Variants in EYS observed in about 807,000 individuals in gnomAD.
EYS encodes protein eyes shut homolog.
A neutral mutation model predicts 282.1 loss-of-function variants in EYS; 250 were observed. The observed-to-expected ratio is 0.89, with a 90% confidence interval of 0.80 to 0.98. The LOEUF is 0.98. Ranked by LOEUF, EYS falls within the 50% of genes least tolerant of loss-of-function variation. The probability of loss-of-function intolerance (pLI) is 0.00; values close to 1 mark genes in which losing one functional copy is unlikely to be tolerated. For missense variants in EYS, 4,016 were observed against 3,709.0 expected, an observed-to-expected ratio of 1.08 and a Z score of -2.15; for synonymous variants, 1,355 against 1,282.9, an observed-to-expected ratio of 1.06 and a Z score of -1.20.
At chr6:64,681,906 A>G (rs1041229913) in intron 22 of EYS, among the ~76,000 whole-genome samples, 1 of 152,154 alleles carries the variant, frequency 6.6e-6, no homozygotes, top group African/African-American at 2.4e-5. Flanking sequence ...TTGGGAATAC[A>G]TGTTTTTGCA....
At chr6:64,082,368 TA>T (rs749304795) in intron 31 of EYS, among the ~76,000 whole-genome samples, 1 of 152,164 alleles carries the variant, frequency 6.6e-6, no homozygotes, top group Non-Finnish European at 1.5e-5. Context: ...TATTGTTTGT[TA>T]ATTTTTAATT....
intron 5 of EYS, among the ~76,000 whole-genome samples, chr6:65,440,571 C>T (rs948336115): frequency 2.0e-5 from 3 of 151,476 alleles, no homozygotes; most frequent in African/African-American, 4.8e-5. Context: ...ATATCTTTTA[C>T]TTTACTGCTC....
intron 33 of EYS, among the ~76,000 whole-genome samples, chr6:64,046,460 A>G (rs1770628508): frequency 6.6e-6 from 1 of 152,136 alleles, no homozygotes; most frequent in Non-Finnish European, 1.5e-5. Flanking sequence ...CTGGGAGGAC[A>G]CATGCTGGCT....
chr6:65,665,800 A>C (rs780977756), intron 1 of EYS, among the ~76,000 whole-genome samples: 1 of 152,044 alleles, frequency 6.6e-6, no homozygotes, highest in South Asian at 2.1e-4. Flanking sequence ...TAACCATGAT[A>C]AATAAATCTC....
At chr6:65,478,500 G>C (rs766733363) in intron 5 of EYS, among the ~76,000 whole-genome samples, 45 of 152,040 alleles carry the variant, frequency 3.0e-4, no homozygotes, top group Non-Finnish European at 4.7e-4. Flanking sequence ...TTAGTCTTAA[G>C]AAAAACACAT....
intron 12 of EYS, among the ~76,000 whole-genome samples, chr6:65,235,628 G>C (rs1418237381): frequency 3.9e-5 from 6 of 152,128 alleles, no homozygotes; most frequent in Non-Finnish European, 8.8e-5. Context: ...CTCTGAACAA[G>C]TCGCTAATCT....
chr6:65,616,140 G>A (rs1026655787), intron 2 of EYS, among the ~76,000 whole-genome samples: 1 of 151,892 alleles, frequency 6.6e-6, no homozygotes, highest in Non-Finnish European at 1.5e-5. Context: ...ATAATGGAAG[G>A]CTGATATCCA....
At chr6:64,902,247 C>T (rs1039104210) in intron 17 of EYS, 27 bp from the exon 18 acceptor site, 7 of 1,463,058 alleles carry the variant, frequency 4.8e-6, no homozygotes, top group Non-Finnish European at 6.5e-6. Flanking sequence ...TTAGTAACTC[C>T]ATTAGTATAT....
At chr6:64,386,973 G>C (rs997487690) in intron 29 of EYS, among the ~76,000 whole-genome samples, 3 of 152,164 alleles carry the variant, frequency 2.0e-5, no homozygotes, top group Admixed American at 2.0e-4. Flanking sequence ...AGTATGTAAT[G>C]TATAGTATAT....
intron 12 of EYS, among the ~76,000 whole-genome samples, chr6:65,292,583 A>G (rs1419825962): frequency 6.6e-6 from 1 of 151,744 alleles, no homozygotes; most frequent in Non-Finnish European, 1.5e-5. Context: ...CTTTGTATAT[A>G]AAGTACCCCC....
At chr6:64,991,050 G>C (rs537934815) in intron 14 of EYS, among the ~76,000 whole-genome samples, 1 of 151,342 alleles carries the variant, frequency 6.6e-6, no homozygotes, top group East Asian at 1.9e-4. Context: ...TAATTATACA[G>C]GTCATCAGAT....
intron 26 of EYS, among the ~76,000 whole-genome samples, chr6:64,547,545 GGTGT>G (rs1764919124): frequency 6.6e-6 from 1 of 152,192 alleles, no homozygotes; most frequent in Non-Finnish European, 1.5e-5. Flanking sequence ...GTTGCTGATT[GGTGT>G]GTTTACAAAC....
chr6:64,078,268 TCAAA>T (rs1025863611), intron 32 of EYS, among the ~76,000 whole-genome samples: 4 of 152,084 alleles, frequency 2.6e-5, no homozygotes, highest in African/African-American at 4.8e-5. Flanking sequence ...TCAAAGCAAC[TCAAA>T]CAAAATCAAC....
chr6:64,244,574 T>C (rs759275772), intron 30 of EYS, among the ~76,000 whole-genome samples: 2 of 152,166 alleles, frequency 1.3e-5, no homozygotes, highest in African/African-American at 4.8e-5. Context: ...TCTGCAAATA[T>C]AGCCCTCTCA....
At chr6:65,194,465 T>A (rs1227247489) in intron 12 of EYS, among the ~76,000 whole-genome samples, 1 of 152,022 alleles carries the variant, frequency 6.6e-6, no homozygotes, top group Non-Finnish European at 1.5e-5. Context: ...TAAAATGTGA[T>A]ATAATAAATT....
intron 8 of EYS, among the ~76,000 whole-genome samples, chr6:65,366,478 T>C (rs1764917113): frequency 6.6e-6 from 1 of 151,792 alleles, no homozygotes; most frequent in South Asian, 2.1e-4. Context: ...AAATCTTGAT[T>C]GACTTCTTTT....
At chr6:64,397,516 C>T (rs1047236915) in intron 28 of EYS, among the ~76,000 whole-genome samples, 1 of 150,992 alleles carries the variant, frequency 6.6e-6, no homozygotes, top group Non-Finnish European at 1.5e-5. Context: ...TGTTTTGTCA[C>T]ATTGTATTTT....
At chr6:64,694,266 C>T (rs1322365948) in intron 22 of EYS, among the ~76,000 whole-genome samples, 1 of 152,042 alleles carries the variant, frequency 6.6e-6, no homozygotes, top group African/African-American at 2.4e-5. Flanking sequence ...CATGAAGGAA[C>T]ATGGGGTCAC....
At chr6:65,185,612 T>C (rs1412597209) in intron 12 of EYS, among the ~76,000 whole-genome samples, 1 of 151,854 alleles carries the variant, frequency 6.6e-6, no homozygotes, top group African/African-American at 2.4e-5. Context: ...CCTACCTTAC[T>C]TTAATTTCAA....
Sources: allele counts gnomAD v4.1 joint callset (sites outside exome capture counted in the v4.1 genomes callset), GRCh38; gene constraint gnomAD v4.1.1; transcripts MANE v1.5; gene names NCBI Gene and HGNC (gene_info 2026-07-23, HGNC 2026-07-21).